CDK14: variants seen among roughly 807,000 people sequenced by gnomAD.
CDK14 encodes the protein cyclin dependent kinase 14.
In CDK14, 34 loss-of-function variants were observed where a neutral mutation model predicts 60.7. The ratio of observed to expected loss-of-function variants is 0.56; its 90% CI spans 0.43 to 0.75. The LOEUF is 0.75. Ranked by LOEUF, CDK14 falls within the 30% of genes least tolerant of loss-of-function variation. The probability of loss-of-function intolerance (pLI) is 0.00; values close to 1 mark genes in which losing one functional copy is unlikely to be tolerated. For synonymous variants in CDK14, 197 were observed against 203.7 expected, an observed-to-expected ratio of 0.97 and a Z score of 0.28; for missense variants, 482 against 564.1, an observed-to-expected ratio of 0.85 and a Z score of 1.47.
chr7:91,106,075 A>G (rs1026891865), intron 12 of CDK14, among the ~76,000 whole-genome samples: 1 of 152,302 alleles, frequency 6.6e-6, no homozygotes, highest in South Asian at 2.1e-4. Context: ...GAGAGAAGAG[A>G]TAGAATTGGG....
chr7:91,028,769 G>A (rs2115922753), intron 10 of CDK14, among the ~76,000 whole-genome samples: 1 of 151,940 alleles, frequency 6.6e-6, no homozygotes, highest in South Asian at 2.1e-4. Context: ...ACTTTTAATG[G>A]GATTATTTGT....
chr7:90,786,897 G>A (rs1386811910), intron 4 of CDK14, among the ~76,000 whole-genome samples: 2 of 129,696 alleles, frequency 1.5e-5, no homozygotes, highest in East Asian at 4.5e-4. Context: ...CTGCACTTCA[G>A]CCTGGACAAC....
At chr7:90,623,997 A>G (rs561942620) in intron 2 of CDK14, among the ~76,000 whole-genome samples, 1 of 152,174 alleles carries the variant, frequency 6.6e-6, no homozygotes, top group Non-Finnish European at 1.5e-5. Context: ...TTTATAATAC[A>G]TATTTTGTAG....
At chr7:90,958,701 G>C (rs905830582) in intron 9 of CDK14, among the ~76,000 whole-genome samples, 1 of 152,140 alleles carries the variant, frequency 6.6e-6, no homozygotes, top group African/African-American at 2.4e-5. Flanking sequence ...AGTTGGCTCT[G>C]CAGATATTCA....
intron 9 of CDK14, among the ~76,000 whole-genome samples, chr7:90,971,045 T>C (rs2117627284): frequency 6.6e-6 from 1 of 152,118 alleles, no homozygotes; most frequent in African/African-American, 2.4e-5. Flanking sequence ...TAGCATTAGG[T>C]GTATCTCCTA....
At chr7:90,641,654 G>T (rs17869473) in intron 2 of CDK14, among the ~76,000 whole-genome samples, 27,402 of 117,952 alleles carry the variant, frequency 0.23, 2,597 homozygotes, top group Middle Eastern at 0.27. Context: ...GATGGGGTGG[G>T]GTGGGGGATT....
At chr7:91,034,397 C>T (rs1181122211) in intron 10 of CDK14, among the ~76,000 whole-genome samples, 1 of 151,854 alleles carries the variant, frequency 6.6e-6, no homozygotes, top group Non-Finnish European at 1.5e-5. Context: ...TAAAATATTC[C>T]TTAGATGATT....
intron 8 of CDK14, among the ~76,000 whole-genome samples, chr7:90,949,319 G>A (rs927397776): frequency 3.3e-5 from 5 of 151,810 alleles, no homozygotes; most frequent in East Asian, 1.9e-4. Context: ...CTCTGTCTCC[G>A]CTTCCTGAGT....
intron 9 of CDK14, among the ~76,000 whole-genome samples, chr7:90,969,331 CAT>C (rs746907233): frequency 1.8e-4 from 28 of 152,140 alleles, no homozygotes; most frequent in Non-Finnish European, 3.4e-4. Context: ...ATCAACTTAA[CAT>C]AGTGTAAATT....
At chr7:90,891,180 C>G (rs1355812686) in intron 6 of CDK14, among the ~76,000 whole-genome samples, 1 of 152,150 alleles carries the variant, frequency 6.6e-6, no homozygotes, top group African/African-American at 2.4e-5. Context: ...GATATTTCCT[C>G]TTACCATTGA....
chr7:91,146,478 GGC>G (rs922955888), intron 14 of CDK14, among the ~76,000 whole-genome samples: 2 of 152,180 alleles, frequency 1.3e-5, no homozygotes, highest in Non-Finnish European at 2.9e-5. Context: ...TAGGTTCACA[GGC>G]GTGAGCCACC....
chr7:90,844,798 A>AT (rs1354669035), intron 5 of CDK14, among the ~76,000 whole-genome samples: 1 of 152,172 alleles, frequency 6.6e-6, no homozygotes, highest in Non-Finnish European at 1.5e-5. Flanking sequence ...CTTTACTCAG[A>AT]TGGTTTAAAC....
chr7:91,099,541 A>G (rs1799098051), intron 12 of CDK14, among the ~76,000 whole-genome samples: 1 of 152,092 alleles, frequency 6.6e-6, no homozygotes, highest in African/African-American at 2.4e-5. Context: ...ACTTTGCTTC[A>G]CTCTTGATTT....
chr7:91,199,289 T>A (rs1652684939), intron 14 of CDK14, among the ~76,000 whole-genome samples: 1 of 152,162 alleles, frequency 6.6e-6, no homozygotes, highest in South Asian at 2.1e-4. Flanking sequence ...ATGTTTAATC[T>A]TTTTTAAAAA....
In CDK14 at chr7:90,624,856, C is replaced by T. The variant is rs377140972; in HGVS notation, c.123+20607C>T. Among the ~76,000 whole-genome samples, 8 of 152,268 alleles carry T rather than the reference C, an allele frequency of 5.3e-5. No homozygotes were observed. The East Asian group carries it at 1.4e-3, about 26-fold the overall frequency. ...CGATAAGTCAGGATGCTGGAACCAG[C>T]TGCTTGGTGTCATAAACCTGTAGTC... On this transcript the variant is annotated intron_variant, in intron 2 of 14. Coordinates refer to ENST00000380050, the MANE Select transcript of CDK14 (RefSeq NM_001287135.2).
intron 3 of CDK14, among the ~76,000 whole-genome samples, chr7:90,728,517 C>G (rs947890971): frequency 2.6e-5 from 4 of 151,730 alleles, no homozygotes; most frequent in Non-Finnish European, 5.9e-5. Flanking sequence ...TTTGAATGCT[C>G]TTTTAAAAAG....
chr7:90,866,426 C>T lies in CDK14; in HGVS notation c.639+3157C>T, dbSNP rs565617673. ...AGTTCTGTGTAATTAATTCATTGTA[C>T]CCTTTTTTGAGGGAGATACCATTGT... On this transcript the variant is annotated intron_variant, in intron 6 of 14. Transcript: ENST00000380050. 1.2e-4 allele frequency among the ~76,000 whole-genome samples: 19 copies of T among 152,056 alleles called. No homozygotes were observed. In the South Asian group the frequency reaches 3.7e-3, roughly 30 times the overall value.
chr7:90,781,301 A>T (rs1353694544), intron 4 of CDK14, among the ~76,000 whole-genome samples: 1 of 152,062 alleles, frequency 6.6e-6, no homozygotes, highest in Non-Finnish European at 1.5e-5. Flanking sequence ...AGTTCATTGT[A>T]GATTCTGGAT....
chr7:90,909,602 G>A (rs1234572487), intron 7 of CDK14, among the ~76,000 whole-genome samples: 1 of 151,980 alleles, frequency 6.6e-6, no homozygotes, highest in African/African-American at 2.4e-5. Flanking sequence ...GCTTTAAACT[G>A]CCTGCTCATT....
Sources: gnomAD v4.1 joint callset for allele counts (sites outside exome capture counted in the v4.1 genomes callset) on GRCh38, gnomAD v4.1.1 for gene constraint, MANE v1.5 for transcripts, NCBI Gene and HGNC (gene_info 2026-07-23, HGNC 2026-07-21) for gene names.